SEMA5A: variants seen among roughly 807,000 people sequenced by gnomAD.
SEMA5A encodes the protein semaphorin-5A.
A neutral mutation model predicts 135.5 loss-of-function variants in SEMA5A; 55 were observed. That is an observed-to-expected ratio of 0.41 (90% confidence interval 0.33 to 0.51). SEMA5A has a LOEUF of 0.51. SEMA5A is among the 20% of genes least tolerant of loss of function. The pLI, the probability that SEMA5A is intolerant of heterozygous loss-of-function variation, is 0.37. For synonymous variants in SEMA5A, 580 were observed against 546.5 expected, an observed-to-expected ratio of 1.06 and a Z score of -0.85; for missense variants, 1,290 against 1,419.9, an observed-to-expected ratio of 0.91 and a Z score of 1.47.
chr5:9,240,843 G>C (rs964579379), intron 5 of SEMA5A, among the ~76,000 whole-genome samples: 6 of 152,058 alleles, frequency 3.9e-5, no homozygotes, highest in African/African-American at 1.4e-4. Context: ...GTATTCAAAA[G>C]ATGTTTTTCC....
intron 1 of SEMA5A, among the ~76,000 whole-genome samples, chr5:9,468,492 C>T (rs1399064852): frequency 6.6e-6 from 1 of 151,818 alleles, no homozygotes; most frequent in African/African-American, 2.4e-5. Context: ...CAATATGTTT[C>T]TAAATAAAGA....
rs772962650 is a variant in SEMA5A, at chr5:9,231,509, G to A, written c.334-4542C>T. Among the ~76,000 whole-genome samples the A allele has an allele frequency of 3.5e-5, 5 of 144,442 alleles. No individual in the cohort carries two copies. The South Asian group carries it at 8.8e-4, about 25-fold the overall frequency. 94.8% of individuals were successfully genotyped at this position (144,442 alleles called of 152,430 possible). A position where few individuals can be genotyped will look rare whatever the true frequency, so the allele number is the denominator to read the frequency against. ...AAAAAAAAAATGGAAATGAGTAACC[G>A]TTCCAGGCTGTGTAATAATTAGTCT... On this transcript the variant is annotated intron_variant, in intron 6 of 22. Transcript: ENST00000382496.
chr5:9,515,424 G>A (rs756702435), intron 1 of SEMA5A, among the ~76,000 whole-genome samples: 1 of 152,194 alleles, frequency 6.6e-6, no homozygotes, highest in Non-Finnish European at 1.5e-5. Context: ...ACATAGGGCA[G>A]CTTAATTTGA....
At chr5:9,508,987 G>T (rs1250649455) in intron 1 of SEMA5A, among the ~76,000 whole-genome samples, 1 of 152,112 alleles carries the variant, frequency 6.6e-6, no homozygotes, top group African/African-American at 2.4e-5. Context: ...AGTGAAAATG[G>T]CAGGCATGAT....
chr5:9,376,868 G>C lies in SEMA5A; in HGVS notation c.124+2955C>G, dbSNP rs10038742. ...GCAAAGTGGTGCAACCTCTATGAAA[G>C]AGAATTGGGCAACATTTACAAAACG... is the stretch of plus-strand genomic sequence containing the variant. On this transcript the variant is annotated intron_variant, in intron 3 of 22. Coordinates refer to ENST00000382496, the MANE Select transcript of SEMA5A (RefSeq NM_003966.3). Among the ~76,000 whole-genome samples, 440 of 152,250 alleles carry C rather than the reference G, an allele frequency of 2.9e-3. 3 individuals are homozygous for C. The highest frequency in any genetic ancestry group is 1.0e-2 in the African/African-American group (415 of 41,562).
intron 1 of SEMA5A, among the ~76,000 whole-genome samples, chr5:9,530,178 A>G (rs1330710054): frequency 6.6e-6 from 1 of 152,194 alleles, no homozygotes; most frequent in Non-Finnish European, 1.5e-5. Flanking sequence ...GATACGTTCC[A>G]CAAGCAAAGC....
At chr5:9,319,570 T>C (rs1752536312) in intron 4 of SEMA5A, among the ~76,000 whole-genome samples, 1 of 151,960 alleles carries the variant, frequency 6.6e-6, no homozygotes, top group Non-Finnish European at 1.5e-5. Flanking sequence ...CCTGGCATCA[T>C]GTAAATGGGA....
At chr5:9,065,621 G>C (rs1008619654) in intron 17 of SEMA5A, among the ~76,000 whole-genome samples, 2 of 152,178 alleles carry the variant, frequency 1.3e-5, no homozygotes, top group African/African-American at 4.8e-5. Flanking sequence ...TGTGTACCAA[G>C]GACCCATCTA....
rs370598959 is a variant in SEMA5A at position 9,334,523 on chromosome 5, C to T, written c.224+3190G>A. On this transcript the variant is annotated intron_variant, in intron 4 of 22. Transcript: ENST00000382496. The stretch of plus-strand genomic sequence containing the variant: ...GACCCTCAGAGCTTCCCTAGGGCTG[C>T]GCGCTCACCAGCCTGCCTGTTAATG... Among the ~76,000 whole-genome samples the T allele has an allele frequency of 2.5e-4, 38 of 152,168 alleles. 1 individual carries two copies. Among genetic ancestry groups the T allele is most frequent in the Admixed American group, 1.6e-3 (24 of 15,278 alleles).
intron 5 of SEMA5A, among the ~76,000 whole-genome samples, chr5:9,284,604 A>G (rs1292959679): frequency 6.6e-6 from 1 of 152,114 alleles, no homozygotes; most frequent in Admixed American, 6.5e-5. Context: ...ATCACAAGTG[A>G]TGGTATTTTT....
intron 4 of SEMA5A, among the ~76,000 whole-genome samples, chr5:9,319,234 A>G (rs1752521495): frequency 6.6e-6 from 1 of 152,060 alleles, no homozygotes; most frequent in African/African-American, 2.4e-5. Context: ...TAAATACATA[A>G]ATATAACTTG....
intron 1 of SEMA5A, among the ~76,000 whole-genome samples, chr5:9,482,304 T>C (rs970857416): frequency 1.3e-5 from 2 of 152,096 alleles, no homozygotes; most frequent in African/African-American, 4.8e-5. Flanking sequence ...CTCAGCACAA[T>C]TATGGGGTCT....
chr5:9,217,171 T>C (rs1435546039), intron 8 of SEMA5A, among the ~76,000 whole-genome samples: 5 of 152,212 alleles, frequency 3.3e-5, no homozygotes, highest in Admixed American at 3.3e-4. Flanking sequence ...TAAGGCAAGT[T>C]TGGTGGTTAA....
intron 10 of SEMA5A, among the ~76,000 whole-genome samples, chr5:9,194,993 C>T (rs40689): frequency 0.77 from 117,774 of 152,150 alleles, 45,859 homozygotes; most frequent in African/African-American, 0.87. Context: ...GTAAGGCCTT[C>T]TGCAATAAAA....
At chr5:9,319,009 C>T (rs894444653) in intron 4 of SEMA5A, among the ~76,000 whole-genome samples, 3 of 151,830 alleles carry the variant, frequency 2.0e-5, no homozygotes, top group African/African-American at 7.3e-5. Flanking sequence ...GGTTGCCAGG[C>T]TCCTGGGAAC....
At chr5:9,543,650 T>C (rs376695137) in intron 1 of SEMA5A, among the ~76,000 whole-genome samples, 1 of 152,166 alleles carries the variant, frequency 6.6e-6, no homozygotes, top group East Asian at 1.9e-4. Flanking sequence ...TAAAAGCACA[T>C]AGAAATAGAT....
Position 9,202,066 on chromosome 5 carries a change from G to A in SEMA5A, c.821C>T (p.Ala274Val), listed in dbSNP as rs1339194486. Residue 274 changes from alanine to valine, a missense_variant, in exon 9 of 23, where the codon GCT (alanine) becomes GTT (valine). Physicochemically the swap from Ala to Val is moderately conservative, Grantham distance 64. Coordinates refer to ENST00000382496, the MANE Select transcript of SEMA5A (RefSeq NM_003966.3). The stretch of plus-strand genomic sequence containing the variant: ...CCCAGGACGGGAGCAGTTCAGGCGA[G>A]CCTTCATGAATGTGGTCCAGGTGTC... Reference protein sequence around the residue: ...LEDTWTTFMKARLNCSRPGEV... With the variant: ...LEDTWTTFMKVRLNCSRPGEV... The A allele has an allele frequency of 1.3e-5, 21 of 1,614,100 alleles. No homozygotes were observed. The highest frequency in any genetic ancestry group is 1.7e-5 in the Non-Finnish European group (20 of 1,180,054).
chr5:9,292,421 C>T (rs1442136684), intron 5 of SEMA5A, among the ~76,000 whole-genome samples: 1 of 151,998 alleles, frequency 6.6e-6, no homozygotes, highest in East Asian at 1.9e-4. Context: ...AGTAACTTGC[C>T]CGAGGACACA....
chr5:9,465,045 G>A (rs892117975), intron 1 of SEMA5A, among the ~76,000 whole-genome samples: 2 of 150,916 alleles, frequency 1.3e-5, no homozygotes, highest in African/African-American at 2.4e-5. Context: ...CTGTAAAACT[G>A]TGTAACATGA....
Sources: allele counts gnomAD v4.1 joint callset (sites outside exome capture counted in the v4.1 genomes callset), GRCh38; gene constraint gnomAD v4.1.1; transcripts MANE v1.5; gene names NCBI Gene and HGNC (gene_info 2026-07-23, HGNC 2026-07-21).